The following CNBD2 variants were observed in gnomAD, a reference collection of about 807,000 sequenced individuals.
CNBD2 encodes the protein cyclic nucleotide-binding domain-containing protein 2.
A neutral mutation model predicts 63.7 loss-of-function variants in CNBD2; 64 were observed. The ratio of observed to expected loss-of-function variants is 1.00; its 90% confidence interval spans 0.82 to 1.24. CNBD2 has a LOEUF of 1.24. Ranked by LOEUF, CNBD2 falls within the 50% of genes most tolerant of loss-of-function variation. The pLI, the probability that CNBD2 is intolerant of heterozygous loss-of-function variation, is 0.00. For missense variants in CNBD2, 691 were observed against 713.5 expected (o/e 0.97, Z 0.36); for synonymous variants, 229 against 255.4 (o/e 0.90, Z 0.99).
upstream of CNBD2, chr20:35,954,476 G>C: frequency 6.5e-7 from 1 of 1,546,708 alleles, no homozygotes; most frequent in African/African-American, 1.4e-5. Context: ...TGCGGCAGCC[G>C]GAAGCGAAAG....
downstream of CNBD2, among the ~76,000 whole-genome samples, chr20:35,956,200 T>C (rs1304825950): frequency 6.6e-6 from 1 of 152,184 alleles, no homozygotes; most frequent in African/African-American, 2.4e-5. Context: ...ACCCCTACCA[T>C]AGGATGTTTC....
In CNBD2 at chr20:35,984,146, CA is replaced by C. The variant is rs751193806; in HGVS notation, c.564+9del. The C allele has an allele frequency of 1.9e-6, 3 of 1,588,632 alleles. No individual in the cohort carries two copies. Among genetic ancestry groups the C allele is most frequent in the Non-Finnish European group, 2.6e-6 (3 of 1,167,152 alleles). On this transcript the variant is annotated intron_variant, in intron 5 of 11. Transcript: ENST00000373973. ...AAGGGTAGCTGTTTTGGGGTAAGCC[CA>C]GGGGAAGGACCCAGTTTCCTGGGGT...
rs1396965677 is a variant in CNBD2, at chr20:35,984,782, A to C, written c.716+4A>C. 1.2e-6 allele frequency: 2 copies of C among 1,613,350 alleles called. No homozygotes were observed. Among genetic ancestry groups the C allele is most frequent in the Non-Finnish European group, 8.5e-7 (1 of 1,179,744 alleles). ...AGTATCGGTTTGAATTTTTTAGGTA[A>C]CTCTGCCTTCATTCAACATTTTTTT... On this transcript the variant is annotated splice_donor_region_variant and intron_variant, in intron 6 of 11. Coordinates refer to ENST00000373973, the MANE Select transcript of CNBD2 (RefSeq NM_001365709.1).
intron 2 of CNBD2, among the ~76,000 whole-genome samples, chr20:35,975,302 C>T (rs1207621253): frequency 4.8e-5 from 4 of 84,162 alleles, no homozygotes; most frequent in Non-Finnish European, 7.9e-5. Context: ...CGCCCGGCCT[C>T]TTTTTTTTTA....
intron 6 of CNBD2, among the ~76,000 whole-genome samples, chr20:35,986,415 C>T (rs182093788): frequency 5.3e-5 from 8 of 152,138 alleles, no homozygotes; most frequent in East Asian, 1.9e-4. Context: ...AGATAGGTCA[C>T]GCCATTTCTC....
chr20:35,987,058 C>T (rs188347202), intron 6 of CNBD2, among the ~76,000 whole-genome samples: 8 of 151,430 alleles, frequency 5.3e-5, no homozygotes, highest in East Asian at 2.0e-4. Context: ...TCATGAGCCA[C>T]GGTGGGGAGG....
chr20:35,994,592 A>G (rs2056796360), intron 7 of CNBD2, among the ~76,000 whole-genome samples: 2 of 151,404 alleles, frequency 1.3e-5, no homozygotes, highest in Non-Finnish European at 2.9e-5. Context: ...AAAAAAAGAA[A>G]AAAAAAAAGC....
intron 1 of CNBD2, among the ~76,000 whole-genome samples, chr20:35,970,258 G>T (rs1475626043): frequency 6.6e-6 from 1 of 152,004 alleles, no homozygotes; most frequent in South Asian, 2.1e-4. Context: ...TTGATTTGTA[G>T]GATTACAAAA....
chr20:35,961,215 G>T (rs972706405), intron 2 of CNBD2, among the ~76,000 whole-genome samples: 1 of 152,210 alleles, frequency 6.6e-6, no homozygotes, highest in Non-Finnish European at 1.5e-5. Context: ...ACAGGCGTGA[G>T]CCACCACGCC....
At chr20:35,964,455 A>G (rs564133622), upstream of CNBD2, among the ~76,000 whole-genome samples, 2 of 151,764 alleles carry the variant, frequency 1.3e-5, no homozygotes, top group East Asian at 1.9e-4. Flanking sequence ...CAGTGGCTCA[A>G]TCTTGGCTCA....
Position 35,989,366 on chromosome 20 carries a change from G to T in CNBD2, c.855+1833G>T, listed in dbSNP as rs745575219. On this transcript the variant is annotated intron_variant, in intron 7 of 11. Transcript: ENST00000373973. ...AGGGATACAAAGATGAAAAAGACTGGTTTTCTCTCTTTATAGATCTCCTCC... is the reference window on the plus strand; with the variant it reads ...AGGGATACAAAGATGAAAAAGACTGTTTTTCTCTCTTTATAGATCTCCTCC... 6.2e-4 allele frequency among the ~76,000 whole-genome samples: 94 copies of T among 152,294 alleles called. 3 individuals are homozygous for T. Among genetic ancestry groups the T allele is most frequent in the South Asian group, 4.1e-4 (2 of 4,830 alleles).
chr20:35,965,797 T>G (rs1186961211), upstream of CNBD2, among the ~76,000 whole-genome samples: 2 of 152,206 alleles, frequency 1.3e-5, no homozygotes, highest in African/African-American at 4.8e-5. Flanking sequence ...AATTTCAGGC[T>G]TATTGATTCA....
chr20:36,009,184 G>A (rs767157554), intron 9 of CNBD2, among the ~76,000 whole-genome samples: 1 of 151,712 alleles, frequency 6.6e-6, no homozygotes, highest in Admixed American at 6.6e-5. Context: ...CTGGGCAACA[G>A]AGCAAGATCT....
At chr20:35,995,958 G>GT (rs1297782351) in intron 8 of CNBD2, among the ~76,000 whole-genome samples, 2 of 152,188 alleles carry the variant, frequency 1.3e-5, no homozygotes, top group Non-Finnish European at 2.9e-5. Flanking sequence ...CTTCTTGCTG[G>GT]TGGGGACTCT....
intron 4 of CNBD2, among the ~76,000 whole-genome samples, chr20:35,983,603 A>G (rs771871696): frequency 2.6e-5 from 4 of 152,222 alleles, no homozygotes; most frequent in African/African-American, 4.8e-5. Flanking sequence ...CAGGATTTGG[A>G]TCCTGGGCTA....
intron 11 of CNBD2, among the ~76,000 whole-genome samples, chr20:36,027,764 C>T (rs916593011): frequency 6.6e-6 from 1 of 151,612 alleles, no homozygotes; most frequent in African/African-American, 2.4e-5. Flanking sequence ...CAAACTCTGC[C>T]TCCTGGCTTC....
chr20:35,984,658 G>T lies in CNBD2; in HGVS notation c.596G>T (p.Arg199Met). Residue 199 changes from arginine to methionine, a missense_variant, in exon 6 of 12, where the codon AGG becomes ATG. Physicochemically the swap from Arg to Met is moderately conservative, Grantham distance 91. Coordinates refer to ENST00000373973, the MANE Select transcript of CNBD2 (RefSeq NM_001365709.1). ...EMDVLHASVR[R>M]STIVCMEETE... ...GACGTTCTGCATGCTTCAGTGAGGA[G>T]GTCCACCATCGTCTGTATGGAAGAA... 1.2e-6 allele frequency: 2 copies of T among 1,614,128 alleles called. No individual in the cohort carries two copies. The highest frequency in any genetic ancestry group is 1.7e-6 in the Non-Finnish European group (2 of 1,180,022).
rs1568888922 is a variant in CNBD2, at chr20:35,995,109, C to T, written c.927C>T (p.His309=). 6.2e-7 allele frequency: 1 copy of T among 1,614,086 alleles called. No individual in the cohort carries two copies. The highest frequency in any genetic ancestry group is 8.5e-7 in the Non-Finnish European group (1 of 1,179,966). The change falls in exon 8 of 12, where the codon CAC becomes CAT. Residue 309 remains histidine (H), a synonymous_variant. Transcript: ENST00000373973. ...SPSYRRWIWQ[H]LELIDGRPLK... ...CCTACCGTAGATGGATCTGGCAGCA[C>T]CTGGAGCTGATAGATGGCAGACCTC...
rs1405102827 is a variant in CNBD2 at position 35,984,786 on chromosome 20, T to C, written c.716+8T>C. 6.2e-7 allele frequency: 1 copy of C among 1,613,864 alleles called. No homozygotes were observed. The highest frequency in any genetic ancestry group is 1.3e-5 in the African/African-American group (1 of 74,922). Reference sequence around the variant, plus strand: ...TCGGTTTGAATTTTTTAGGTAACTCTGCCTTCATTCAACATTTTTTTCCCC... The same window carrying C: ...TCGGTTTGAATTTTTTAGGTAACTCCGCCTTCATTCAACATTTTTTTCCCC... On this transcript the variant is annotated splice_region_variant and intron_variant, in intron 6 of 11. Transcript: ENST00000373973.
Sources: allele counts gnomAD v4.1 joint callset (sites outside exome capture counted in the v4.1 genomes callset), GRCh38; gene constraint gnomAD v4.1.1; transcripts MANE v1.5; gene names NCBI Gene and HGNC (gene_info 2026-07-23, HGNC 2026-07-21).